Variants in PTPRD observed in about 807,000 individuals in gnomAD.
The protein encoded by PTPRD is protein tyrosine phosphatase receptor type D, also known as receptor-type tyrosine-protein phosphatase delta.
Under a neutral mutation model 214.5 loss-of-function variants are expected in PTPRD, and 34 were observed. The observed-to-expected ratio is 0.16, with a 90% CI of 0.12 to 0.21. The LOEUF is 0.21. Among genes scored for constraint, PTPRD ranks in the 10% least tolerant of loss-of-function variants. The pLI is 1.00. For synonymous variants in PTPRD, 1,128 were observed against 845.7 expected (o/e 1.33, Z -5.79); for missense variants, 2,545 against 2,398.7 (o/e 1.06, Z -1.27).
chr9:8,400,085 G>C (rs996768945), intron 36 of PTPRD, among the ~76,000 whole-genome samples: 1 of 151,974 alleles, frequency 6.6e-6, no homozygotes, highest in Non-Finnish European at 1.5e-5. Context: ...ATTTAGACTT[G>C]GCTAACACTT....
chr9:8,553,218 G>A (rs2082634517), intron 14 of PTPRD, among the ~76,000 whole-genome samples: 1 of 152,114 alleles, frequency 6.6e-6, no homozygotes, highest in African/African-American at 2.4e-5. Flanking sequence ...ACTTAAAAAT[G>A]CTATGATACA....
At chr9:10,576,916 A>G (rs1022286823) in intron 2 of PTPRD, among the ~76,000 whole-genome samples, 1 of 152,068 alleles carries the variant, frequency 6.6e-6, no homozygotes, top group Non-Finnish European at 1.5e-5. Flanking sequence ...TATATTTAAT[A>G]TGTTCATGTG....
chr9:9,073,243 G>C (rs1326715721), intron 10 of PTPRD, among the ~76,000 whole-genome samples: 1 of 152,156 alleles, frequency 6.6e-6, no homozygotes, highest in African/African-American at 2.4e-5. Flanking sequence ...GCAAGGCATT[G>C]TTACATGTTT....
intron 2 of PTPRD, among the ~76,000 whole-genome samples, chr9:10,356,173 C>G (rs10119690): frequency 0.64 from 96,547 of 151,390 alleles, 33,345 homozygotes; most frequent in African/African-American, 0.91. Context: ...TGCCTGGCCA[C>G]AGGCTAGTGT....
chr9:10,502,657 T>A (rs2044170287), intron 2 of PTPRD, among the ~76,000 whole-genome samples: 1 of 152,092 alleles, frequency 6.6e-6, no homozygotes, highest in Non-Finnish European at 1.5e-5. Flanking sequence ...CGAAACACTG[T>A]GCATGCACAC....
chr9:9,295,101 T>C (rs1256806601), intron 9 of PTPRD, among the ~76,000 whole-genome samples: 8 of 151,728 alleles, frequency 5.3e-5, no homozygotes. Context: ...AAAATAAGCT[T>C]GGTGGCTCAC....
intron 7 of PTPRD, among the ~76,000 whole-genome samples, chr9:9,679,015 G>A (rs1193921025): frequency 1.3e-5 from 2 of 151,484 alleles, no homozygotes; most frequent in East Asian, 3.9e-4. Flanking sequence ...CTAGAAAAGA[G>A]GGTTAAATGC....
chr9:10,182,320 G>A (rs1208367378), intron 3 of PTPRD, among the ~76,000 whole-genome samples: 1 of 147,498 alleles, frequency 6.8e-6, no homozygotes, highest in Non-Finnish European at 1.5e-5. Flanking sequence ...GCATCAAAAT[G>A]ATAGATTTTT....
intron 33 of PTPRD, among the ~76,000 whole-genome samples, chr9:8,455,684 T>C (rs2096168070): frequency 6.6e-6 from 1 of 152,158 alleles, no homozygotes; most frequent in African/African-American, 2.4e-5. Context: ...ATCAAACACA[T>C]TGGTTAATTC....
intron 14 of PTPRD, among the ~76,000 whole-genome samples, chr9:8,576,001 A>G (rs553066543): frequency 6.0e-4 from 92 of 152,330 alleles, no homozygotes; most frequent in African/African-American, 2.1e-3. Context: ...CAAATGAGAT[A>G]GTCCTAACAG....
At chr9:10,518,602 G>C (rs970376352) in intron 2 of PTPRD, among the ~76,000 whole-genome samples, 2 of 150,836 alleles carry the variant, frequency 1.3e-5, no homozygotes, top group African/African-American at 4.9e-5. Flanking sequence ...GCCCAATCTT[G>C]GCTCACTTCA....
intron 11 of PTPRD, among the ~76,000 whole-genome samples, chr9:8,787,724 A>T (rs1175564953): frequency 1.3e-5 from 2 of 152,060 alleles, no homozygotes; most frequent in Non-Finnish European, 2.9e-5. Context: ...AAGACAGGAG[A>T]GAGGTCCCTA....
intron 5 of PTPRD, among the ~76,000 whole-genome samples, chr9:9,781,055 G>A (rs1226442396): frequency 1.3e-5 from 2 of 152,162 alleles, no homozygotes; most frequent in African/African-American, 4.8e-5. Flanking sequence ...ACAAATAGGA[G>A]GAGCACAGGG....
chr9:9,758,078 T>C (rs975272552), intron 6 of PTPRD, among the ~76,000 whole-genome samples: 2 of 150,014 alleles, frequency 1.3e-5, no homozygotes, highest in East Asian at 2.0e-4. Flanking sequence ...ATTGGGTGTA[T>C]TGCAAACACA....
chr9:10,147,131 A>C (rs1487507993), intron 3 of PTPRD, among the ~76,000 whole-genome samples: 1 of 152,174 alleles, frequency 6.6e-6, no homozygotes, highest in Non-Finnish European at 1.5e-5. Flanking sequence ...AGAGTATTTT[A>C]TATGGAGATG....
chr9:8,402,546 T>A (rs2092536147), intron 36 of PTPRD, among the ~76,000 whole-genome samples: 1 of 152,196 alleles, frequency 6.6e-6, no homozygotes, highest in African/African-American at 2.4e-5. Flanking sequence ...CCATGCCAAA[T>A]AGATTCTCAA....
rs997616315 is a variant in PTPRD, at chr9:9,097,484, C to T, written c.-142-78749G>A. On this transcript the variant is annotated intron_variant, in intron 10 of 45. Coordinates refer to ENST00000381196, the MANE Select transcript of PTPRD (RefSeq NM_002839.4). ...AATGCAGTGGCGCAATCTCAGCTCA[C>T]TGCAAGCTCTGCCGCCCGGATTCAA... is the stretch of plus-strand genomic sequence containing the variant. 4.0e-5 allele frequency among the ~76,000 whole-genome samples: 6 copies of T among 151,760 alleles called. No homozygotes were observed. In the South Asian group the frequency reaches 1.0e-3, roughly 26 times the overall value.
intron 5 of PTPRD, among the ~76,000 whole-genome samples, chr9:9,881,626 T>C (rs965658608): frequency 5.3e-5 from 8 of 152,128 alleles, no homozygotes; most frequent in Non-Finnish European, 2.9e-5. Context: ...TTTGGGGGCA[T>C]AGCAAAGAGC....
chr9:10,091,920 C>G (rs1303284854), intron 3 of PTPRD, among the ~76,000 whole-genome samples: 1 of 151,272 alleles, frequency 6.6e-6, no homozygotes, highest in African/African-American at 2.4e-5. Context: ...TAAAGGACGA[C>G]TCCAGATGAC....
Sources: gnomAD v4.1 joint callset for allele counts (sites outside exome capture counted in the v4.1 genomes callset) on GRCh38, gnomAD v4.1.1 for gene constraint, MANE v1.5 for transcripts, NCBI Gene and HGNC (gene_info 2026-07-23, HGNC 2026-07-21) for gene names.